ADGRB3: variants seen among roughly 807,000 people sequenced by gnomAD.
ADGRB3 encodes adhesion G protein-coupled receptor B3.
ADGRB3 carries 37 observed loss-of-function variants against 193.4 expected under a neutral mutation model. That is an observed-to-expected ratio of 0.19 (90% CI 0.15 to 0.25). ADGRB3 has a LOEUF of 0.25. Ranked by LOEUF, ADGRB3 falls within the 10% of genes least tolerant of loss-of-function variation. ADGRB3 has a pLI of 1.00. For missense variants in ADGRB3, 1,637 were observed against 1,852.9 expected, an observed-to-expected ratio of 0.88 and a Z score of 2.14; for synonymous variants, 690 against 644.2, an observed-to-expected ratio of 1.07 and a Z score of -1.08.
intron 11 of ADGRB3, among the ~76,000 whole-genome samples, chr6:69,002,756 G>T (rs1769619021): frequency 6.6e-6 from 1 of 152,108 alleles, no homozygotes; most frequent in Non-Finnish European, 1.5e-5. Context: ...CATCTGTAGA[G>T]GTAGTATAAT....
chr6:68,978,060 G>C (rs563684327), intron 10 of ADGRB3, among the ~76,000 whole-genome samples: 3 of 151,596 alleles, frequency 2.0e-5, no homozygotes, highest in African/African-American at 7.2e-5. Context: ...TTACAAAATG[G>C]AATTGGTTCC....
At chr6:68,944,059 C>G in intron 6 of ADGRB3, 65 bp downstream of exon 6, 1 of 1,478,132 alleles carries the variant, frequency 6.8e-7, no homozygotes, top group Non-Finnish European at 9.2e-7. Flanking sequence ...CTAGTGTACA[C>G]AAGAAATATT....
intron 15 of ADGRB3, among the ~76,000 whole-genome samples, chr6:69,053,144 C>G (rs1771447816): frequency 6.6e-6 from 1 of 152,084 alleles, no homozygotes; most frequent in Non-Finnish European, 1.5e-5. Context: ...AGAGATCCCA[C>G]CATTGCCCTC....
intron 17 of ADGRB3, among the ~76,000 whole-genome samples, chr6:69,177,001 T>C (rs1775444716): frequency 6.6e-6 from 1 of 152,208 alleles, no homozygotes; most frequent in African/African-American, 2.4e-5. Context: ...CTGATTGTGC[T>C]TATTTAGATA....
At chr6:68,766,930 C>A (rs546316568) in intron 3 of ADGRB3, among the ~76,000 whole-genome samples, 1 of 151,844 alleles carries the variant, frequency 6.6e-6, no homozygotes, top group African/African-American at 2.4e-5. Context: ...GGTTTTTCAT[C>A]CATGGTTCTC....
intron 20 of ADGRB3, among the ~76,000 whole-genome samples, chr6:69,320,816 CAT>C (rs1491556078): frequency 3.5e-4 from 39 of 110,604 alleles, no homozygotes; most frequent in Admixed American, 1.1e-3. Flanking sequence ...TGTGCTTGTG[CAT>C]GTGTGTATGT....
At chr6:68,657,346 A>G (rs1013312951) in intron 3 of ADGRB3, among the ~76,000 whole-genome samples, 3 of 151,512 alleles carry the variant, frequency 2.0e-5, no homozygotes, top group Admixed American at 1.3e-4. Context: ...TCTCAGTGCC[A>G]TGTCATGTAA....
chr6:68,707,318 C>T (rs1459305815), intron 3 of ADGRB3, among the ~76,000 whole-genome samples: 1 of 152,034 alleles, frequency 6.6e-6, no homozygotes, highest in Non-Finnish European at 1.5e-5. Context: ...CTCTTAGATA[C>T]GTTCCTTCTC....
intron 17 of ADGRB3, among the ~76,000 whole-genome samples, chr6:69,161,865 C>A (rs1313194698): frequency 6.6e-6 from 1 of 152,092 alleles, no homozygotes; most frequent in African/African-American, 2.4e-5. Context: ...TAGAGCAACT[C>A]ACAACATGGC....
chr6:69,096,736 A>C (rs1451597176), intron 17 of ADGRB3, among the ~76,000 whole-genome samples: 1 of 152,130 alleles, frequency 6.6e-6, no homozygotes. Flanking sequence ...TACCCTGCCC[A>C]AATATGGTAG....
At chr6:68,751,406 T>A (rs1766195850) in intron 3 of ADGRB3, among the ~76,000 whole-genome samples, 1 of 152,154 alleles carries the variant, frequency 6.6e-6, no homozygotes, top group South Asian at 2.1e-4. Context: ...GGAAAACAAG[T>A]TTCCATCTTA....
chr6:69,125,307 T>C (rs533248933), intron 17 of ADGRB3, among the ~76,000 whole-genome samples: 2 of 152,286 alleles, frequency 1.3e-5, no homozygotes, highest in East Asian at 3.9e-4. Flanking sequence ...CTCTGGGAGA[T>C]TTCTCGGGCT....
chr6:68,923,068 C>T (rs1379873716), intron 3 of ADGRB3, among the ~76,000 whole-genome samples: 1 of 152,002 alleles, frequency 6.6e-6, no homozygotes, highest in Non-Finnish European at 1.5e-5. Flanking sequence ...ATTATAAACG[C>T]TATATACATG....
At chr6:69,025,339 A>G (rs1187336719) in intron 13 of ADGRB3, among the ~76,000 whole-genome samples, 1 of 152,044 alleles carries the variant, frequency 6.6e-6, no homozygotes, top group Non-Finnish European at 1.5e-5. Context: ...TAATAGAGAA[A>G]CCAACTTTCA....
At chr6:68,677,695 T>G (rs1242321535) in intron 3 of ADGRB3, among the ~76,000 whole-genome samples, 1 of 151,888 alleles carries the variant, frequency 6.6e-6, no homozygotes, top group East Asian at 1.9e-4. Context: ...TTTTTGTAGT[T>G]TTTGGCAGAG....
intron 3 of ADGRB3, among the ~76,000 whole-genome samples, chr6:68,678,075 G>T (rs1023668784): frequency 1.3e-5 from 2 of 152,098 alleles, no homozygotes; most frequent in Non-Finnish European, 2.9e-5. Context: ...ACAGGCCAAA[G>T]TATCTGTGCT....
intron 3 of ADGRB3, among the ~76,000 whole-genome samples, chr6:68,831,781 A>G (rs775434556): frequency 1.3e-5 from 2 of 152,202 alleles, no homozygotes; most frequent in South Asian, 2.1e-4. Context: ...TTGTGCCCCC[A>G]AAGTTTGGGA....
At chr6:68,656,707 T>C (rs536856365) in intron 3 of ADGRB3, among the ~76,000 whole-genome samples, 1 of 151,624 alleles carries the variant, frequency 6.6e-6, no homozygotes, top group African/African-American at 2.4e-5. Context: ...TCTTTGGTTT[T>C]TCTTTTTACT....
intron 3 of ADGRB3, among the ~76,000 whole-genome samples, chr6:68,929,016 T>G (rs1767260643): frequency 6.6e-6 from 1 of 152,178 alleles, no homozygotes; most frequent in Non-Finnish European, 1.5e-5. Flanking sequence ...AATGAGTGAT[T>G]AGATACTTCT....
Sources: gnomAD v4.1 joint callset for allele counts (sites outside exome capture counted in the v4.1 genomes callset) on GRCh38, gnomAD v4.1.1 for gene constraint, MANE v1.5 for transcripts, NCBI Gene and HGNC (gene_info 2026-07-23, HGNC 2026-07-21) for gene names.